Variants in STK38L observed in about 807,000 individuals in gnomAD.
STK38L encodes the protein serine/threonine kinase 38 like.
In STK38L, 28 loss-of-function variants were observed where a neutral mutation model predicts 59.7. The ratio of observed to expected loss-of-function variants is 0.47; its 90% CI spans 0.35 to 0.64. The LOEUF is 0.64. Among genes scored for constraint, STK38L ranks in the 30% least tolerant of loss-of-function variants. STK38L has a pLI of 0.01. For synonymous variants in STK38L, 162 were observed against 176.8 expected, an observed-to-expected ratio of 0.92 and a Z score of 0.66; for missense variants, 314 against 555.8, an observed-to-expected ratio of 0.56 and a Z score of 4.37.
intron 11 of STK38L, among the ~76,000 whole-genome samples, chr12:27,318,723 AGCTC>A (rs1278565044): frequency 1.3e-5 from 2 of 152,160 alleles, no homozygotes; most frequent in African/African-American, 4.8e-5. Flanking sequence ...TGGGCACAGC[AGCTC>A]ATGCCTGGAA....
At chr12:27,321,660 G>T (rs1944730869) in intron 12 of STK38L, among the ~76,000 whole-genome samples, 1 of 152,058 alleles carries the variant, frequency 6.6e-6, no homozygotes, top group Admixed American at 6.5e-5. Flanking sequence ...TATAAAAATG[G>T]CAAGTAGGTG....
chr12:27,305,564 A>G (rs1433066415), intron 3 of STK38L, among the ~76,000 whole-genome samples: 1 of 152,248 alleles, frequency 6.6e-6, no homozygotes, highest in Non-Finnish European at 1.5e-5. Flanking sequence ...GGTGGGTTTG[A>G]TAAAAAATAA....
intron 1 of STK38L, among the ~76,000 whole-genome samples, chr12:27,248,239 C>T (rs1050763833): frequency 2.0e-5 from 3 of 152,140 alleles, no homozygotes; most frequent in African/African-American, 7.2e-5. Flanking sequence ...AATAGCTATG[C>T]TTATAATGGC....
intron 8 of STK38L, 54 bp downstream of exon 8, chr12:27,315,171 CAGA>C (rs757704506): frequency 1.6e-5 from 26 of 1,581,746 alleles, no homozygotes; most frequent in Non-Finnish European, 2.2e-5. Flanking sequence ...CTGTAGAGAA[CAGA>C]AGGTTCTTTC....
At chr12:27,272,445 T>G (rs1943443657) in intron 1 of STK38L, among the ~76,000 whole-genome samples, 1 of 152,220 alleles carries the variant, frequency 6.6e-6, no homozygotes, top group African/African-American at 2.4e-5. Flanking sequence ...CCTTTTGATT[T>G]CCCCTCAAGG....
chr12:27,305,203 GA>G (rs973817848), intron 3 of STK38L, among the ~76,000 whole-genome samples: 37 of 152,330 alleles, frequency 2.4e-4, no homozygotes, highest in African/African-American at 6.5e-4. Context: ...ACCTGCTTTT[GA>G]AAAACAACTT....
At chr12:27,249,062 A>G (rs1188406176) in intron 1 of STK38L, among the ~76,000 whole-genome samples, 1 of 152,204 alleles carries the variant, frequency 6.6e-6, no homozygotes, top group Non-Finnish European at 1.5e-5. Flanking sequence ...AGGTCTATCA[A>G]AAGAAAACCA....
chr12:27,262,981 T>C (rs1943233215), intron 1 of STK38L, among the ~76,000 whole-genome samples: 2 of 151,766 alleles, frequency 1.3e-5, no homozygotes. Context: ...GTATTTTTGG[T>C]AGAGATGGGG....
At chr12:27,246,311 A>G (rs576962908) in intron 1 of STK38L, among the ~76,000 whole-genome samples, 88 of 131,376 alleles carry the variant, frequency 6.7e-4, no homozygotes, top group African/African-American at 2.6e-3. Context: ...GTGATCCAGG[A>G]TAAGTTGGAG....
chr12:27,313,053 C>T (rs1944493357), intron 6 of STK38L, among the ~76,000 whole-genome samples: 1 of 151,808 alleles, frequency 6.6e-6, no homozygotes, highest in African/African-American at 2.4e-5. Flanking sequence ...TCAAGACCAT[C>T]CTGGCTAACA....
chr12:27,257,128 A>C (rs1943106931), intron 1 of STK38L, among the ~76,000 whole-genome samples: 1 of 152,234 alleles, frequency 6.6e-6, no homozygotes, highest in African/African-American at 2.4e-5. Flanking sequence ...CAAGAATGCC[A>C]GTTAGTGAAT....
At chr12:27,299,372 C>G (rs1944106765) in intron 2 of STK38L, among the ~76,000 whole-genome samples, 1 of 152,042 alleles carries the variant, frequency 6.6e-6, no homozygotes, top group Admixed American at 6.6e-5. Context: ...TGACATATCT[C>G]TAAAAGTTCT....
chr12:27,259,644 C>G (rs552655428), intron 1 of STK38L, among the ~76,000 whole-genome samples: 1 of 152,128 alleles, frequency 6.6e-6, no homozygotes, highest in African/African-American at 2.4e-5. Flanking sequence ...TTCTTTCCCC[C>G]CCTTTTTTTT....
chr12:27,289,703 G>A (rs1368853965), intron 1 of STK38L, among the ~76,000 whole-genome samples: 3 of 152,192 alleles, frequency 2.0e-5, no homozygotes, highest in African/African-American at 7.2e-5. Flanking sequence ...AGCAGATACA[G>A]TAAAGAGATT....
chr12:27,310,637 AG>A (rs925476227), intron 5 of STK38L, among the ~76,000 whole-genome samples: 5 of 152,242 alleles, frequency 3.3e-5, no homozygotes, highest in African/African-American at 1.2e-4. Context: ...CGGATATATT[AG>A]GTTACATAAA....
chr12:27,265,203 T>C (rs565871789), intron 1 of STK38L, among the ~76,000 whole-genome samples: 1 of 152,294 alleles, frequency 6.6e-6, no homozygotes, highest in Admixed American at 6.5e-5. Flanking sequence ...TAAACAAGAT[T>C]TGACTAAAGA....
chr12:27,302,063 A>G, intron 2 of STK38L, 74 bp from the exon 3 acceptor site: 1 of 1,276,534 alleles, frequency 7.8e-7, no homozygotes. Flanking sequence ...TAACCTGAAT[A>G]AATAAATGTA....
At chr12:27,263,462 AT>A (rs1462401667) in intron 1 of STK38L, among the ~76,000 whole-genome samples, 1 of 152,180 alleles carries the variant, frequency 6.6e-6, no homozygotes, top group Admixed American at 6.5e-5. Flanking sequence ...CTTCCTTATT[AT>A]CCCCTTGGAA....
chr12:27,308,363 G>A lies in STK38L; in HGVS notation c.211G>A (p.Ala71Thr), dbSNP rs1944366732. 3.1e-6 allele frequency: 5 copies of A among 1,590,696 alleles called. No homozygotes were observed. The highest frequency in any genetic ancestry group is 1.1e-5 in the South Asian group (1 of 88,636). Residue 71 changes from alanine to threonine, a missense_variant, in exon 4 of 14, where the codon GCT becomes ACT. Transcript: ENST00000389032. The surrounding 1 kb of genome is among the most constrained non-coding windows in gnomAD (Gnocchi z 4.5). ...GAAAAAGTTACGTCGATCACAACAC[G>A]CTCGCAAAGAAACAGAGTTCTTACG... Reference protein sequence around the residue: ...EEKKLRRSQHARKETEFLRLK... With the variant: ...EEKKLRRSQHTRKETEFLRLK...
Sources: allele counts gnomAD v4.1 joint callset (sites outside exome capture counted in the v4.1 genomes callset), GRCh38; gene constraint gnomAD v4.1.1; non-coding constraint Gnocchi (gnomAD v3.1); transcripts MANE v1.5; gene names NCBI Gene and HGNC (gene_info 2026-07-23, HGNC 2026-07-21).